ITFG1: variants seen among roughly 807,000 people sequenced by gnomAD.
The protein encoded by ITFG1 is integrin alpha FG-GAP repeat containing 1, also known as T-cell immunomodulatory protein.
Under a neutral mutation model 81.8 loss-of-function variants are expected in ITFG1, and 34 were observed. The ratio of observed to expected loss-of-function variants is 0.42; its 90% CI spans 0.32 to 0.55. The LOEUF is 0.55. Among genes scored for constraint, ITFG1 ranks in the 20% least tolerant of loss-of-function variants. The pLI is 0.17. For synonymous variants in ITFG1, 285 were observed against 270.6 expected (o/e 1.05, Z -0.52); for missense variants, 672 against 755.4 (o/e 0.89, Z 1.29).
intron 13 of ITFG1, among the ~76,000 whole-genome samples, chr16:47,227,871 G>C (rs958039143): frequency 6.6e-6 from 1 of 152,082 alleles, no homozygotes; most frequent in African/African-American, 2.4e-5. Flanking sequence ...CTTTTCTCAA[G>C]GGTAATTTTT....
At chr16:47,292,536 C>T (rs1015901764) in intron 10 of ITFG1, among the ~76,000 whole-genome samples, 1 of 152,102 alleles carries the variant, frequency 6.6e-6, no homozygotes, top group Non-Finnish European at 1.5e-5. Context: ...CTCATGAATA[C>T]TCAAGGCTAC....
intron 14 of ITFG1, among the ~76,000 whole-genome samples, chr16:47,213,542 C>T (rs1278215028): frequency 6.6e-6 from 1 of 152,102 alleles, no homozygotes. Context: ...ATTCGCCTTT[C>T]AGTTCAATTT....
At chr16:47,377,321 C>A (rs1247772138) in intron 6 of ITFG1, among the ~76,000 whole-genome samples, 2 of 152,064 alleles carry the variant, frequency 1.3e-5, no homozygotes, top group East Asian at 3.9e-4. Flanking sequence ...CAAATGTAGT[C>A]CTCTATGAAC....
chr16:47,436,361 G>A lies in ITFG1; in HGVS notation c.561-7463C>T, dbSNP rs80194037. On this transcript the variant is annotated intron_variant, in intron 5 of 17. Transcript: ENST00000320640. ...ATTGGTTTTGCTCATGGATCTCAGC[G>A]TTTAAAAAAACTCCCTTTGAAGTTG... Among the ~76,000 whole-genome samples, 1,361 of 152,088 alleles carry A rather than the reference G, an allele frequency of 8.9e-3. 11 individuals carry two copies. The highest frequency in any genetic ancestry group is 0.013 in the Non-Finnish European group (913 of 67,970).
intron 5 of ITFG1, among the ~76,000 whole-genome samples, chr16:47,445,189 C>T (rs191046166): frequency 6.3e-5 from 9 of 142,954 alleles, no homozygotes; most frequent in African/African-American, 1.3e-4. Context: ...TTCCCCAGGC[C>T]GGGCGCGGTG....
intron 13 of ITFG1, among the ~76,000 whole-genome samples, chr16:47,219,431 A>G (rs1205196944): frequency 2.0e-5 from 3 of 152,156 alleles, no homozygotes; most frequent in Non-Finnish European, 4.4e-5. Flanking sequence ...ATTTAAGAAA[A>G]TTCTGATGGA....
At chr16:47,401,736 T>C (rs1470622664) in intron 6 of ITFG1, among the ~76,000 whole-genome samples, 2 of 152,170 alleles carry the variant, frequency 1.3e-5, no homozygotes, top group Non-Finnish European at 1.5e-5. Flanking sequence ...CTTTATGTGT[T>C]TGATTATAAC....
intron 10 of ITFG1, among the ~76,000 whole-genome samples, chr16:47,277,260 T>A (rs1419675148): frequency 1.3e-5 from 2 of 152,328 alleles, no homozygotes; most frequent in Middle Eastern, 6.8e-3. Context: ...AATCCATGCA[T>A]TTTAATTTCC....
At chr16:47,303,083 AACAAG>A (rs1468633016) in intron 10 of ITFG1, among the ~76,000 whole-genome samples, 1 of 152,118 alleles carries the variant, frequency 6.6e-6, no homozygotes, top group African/African-American at 2.4e-5. Context: ...CATGCTGGCT[AACAAG>A]GTGAAACCCC....
chr16:47,186,351 A>C lies in ITFG1; in HGVS notation c.1454-23687T>G, dbSNP rs1385608794. 2.6e-5 allele frequency among the ~76,000 whole-genome samples: 4 copies of C among 152,226 alleles called. No homozygotes were observed. The East Asian group carries it at 5.8e-4, about 22-fold the overall frequency. On this transcript the variant is annotated intron_variant, in intron 14 of 17. Coordinates refer to ENST00000320640, the MANE Select transcript of ITFG1 (RefSeq NM_030790.5). ...AATATCCTTGATGAACATTGATGCA[A>C]AAATCCTCAATAAAATACTGGCAAA...
At chr16:47,409,012 C>T (rs1478699808) in intron 6 of ITFG1, among the ~76,000 whole-genome samples, 1 of 151,758 alleles carries the variant, frequency 6.6e-6, no homozygotes, top group African/African-American at 2.4e-5. Flanking sequence ...CTCGAAAATG[C>T]TAATATATAC....
chr16:47,282,915 C>A (rs1966465506), intron 10 of ITFG1, among the ~76,000 whole-genome samples: 1 of 152,024 alleles, frequency 6.6e-6, no homozygotes, highest in African/African-American at 2.4e-5. Flanking sequence ...ATGTCCTTTG[C>A]CCAGTTTTTA....
At chr16:47,206,388 C>A (rs976231623) in intron 14 of ITFG1, among the ~76,000 whole-genome samples, 1 of 152,142 alleles carries the variant, frequency 6.6e-6, no homozygotes, top group Non-Finnish European at 1.5e-5. Context: ...AATTCACATG[C>A]CATAAAATGT....
chr16:47,354,172 T>C (rs983722380), intron 8 of ITFG1, among the ~76,000 whole-genome samples: 1 of 152,096 alleles, frequency 6.6e-6, no homozygotes, highest in African/African-American at 2.4e-5. Flanking sequence ...GCTATGGTAA[T>C]CAATACAGCA....
At chr16:47,460,224 A>G (rs985719665) in intron 1 of ITFG1, among the ~76,000 whole-genome samples, 2 of 152,240 alleles carry the variant, frequency 1.3e-5, no homozygotes, top group African/African-American at 4.8e-5. Context: ...TGCTTTCCCA[A>G]GGAGGCATTG....
At chr16:47,363,974 G>A (rs566951814) in intron 8 of ITFG1, among the ~76,000 whole-genome samples, 11 of 152,134 alleles carry the variant, frequency 7.2e-5, no homozygotes, top group East Asian at 1.9e-4. Context: ...ACTTCCTGGC[G>A]GTCAGTCACT....
At chr16:47,429,280 G>A (rs780250152) in intron 5 of ITFG1, among the ~76,000 whole-genome samples, 16 of 152,170 alleles carry the variant, frequency 1.1e-4, no homozygotes, top group Non-Finnish European at 2.2e-4. Context: ...GTTGAAACAT[G>A]TATCAGTGCC....
chr16:47,414,742 G>A (rs1412113405), intron 6 of ITFG1, among the ~76,000 whole-genome samples: 1 of 152,110 alleles, frequency 6.6e-6, no homozygotes, highest in African/African-American at 2.4e-5. Context: ...AGAAAATGAA[G>A]ATAGTAGTTG....
intron 5 of ITFG1, among the ~76,000 whole-genome samples, chr16:47,439,356 GA>G (rs1969214004): frequency 6.6e-6 from 1 of 152,120 alleles, no homozygotes; most frequent in South Asian, 2.1e-4. Context: ...TACTCCTCGA[GA>G]ACAGCAACTC....
Sources: gnomAD v4.1 joint callset for allele counts (sites outside exome capture counted in the v4.1 genomes callset) on GRCh38, gnomAD v4.1.1 for gene constraint, MANE v1.5 for transcripts, NCBI Gene and HGNC (gene_info 2026-07-23, HGNC 2026-07-21) for gene names.